The following PCTP variants were observed in gnomAD, a reference collection of about 807,000 sequenced individuals.
PCTP encodes phosphatidylcholine transfer protein.
PCTP carries 27 observed loss-of-function variants against 31.0 expected under a neutral mutation model. The observed-to-expected ratio is 0.87, with a 90% confidence interval of 0.64 to 1.20. PCTP has a LOEUF of 1.20. Ranked by LOEUF, PCTP falls within the 50% of genes most tolerant of loss-of-function variation. PCTP has a pLI of 0.00. For synonymous variants in PCTP, 108 were observed against 101.2 expected, an observed-to-expected ratio of 1.07 and a Z score of -0.40; for missense variants, 287 against 268.2, an observed-to-expected ratio of 1.07 and a Z score of -0.49.
chr17:55,791,636 C>A (rs1274737090), intron 3 of PCTP, among the ~76,000 whole-genome samples: 2 of 151,114 alleles, frequency 1.3e-5, no homozygotes, highest in African/African-American at 2.4e-5. Flanking sequence ...GAATGGCAAT[C>A]ATTAAAAAGT....
Position 55,839,919 on chromosome 17 carries a change from C to CAAAAAAAAAAAAAAAAA in PCTP, n.506-2796_506-2780dup, listed in dbSNP as rs57402824. Among the ~76,000 whole-genome samples, 8 of 12,504 alleles carry CAAAAAAAAAAAAAAAAA rather than the reference C, an allele frequency of 6.4e-4. 1 individual carries two copies. The highest frequency in any genetic ancestry group is 8.1e-4 in the Non-Finnish European group (5 of 6,192). 8.2% of individuals were successfully genotyped at this position (12,504 alleles called of 152,430 possible). On this transcript the variant is annotated intron_variant and non_coding_transcript_variant, in intron 5 of 5. Transcript: ENST00000576221. ...TGGGCGACAGAGCGAGACTCAGTCT[C>CAAAAAAAAAAAAAAAAA]AAAAAAAAAAAAAAAAAAAAAAAAA...
chr17:55,826,489 A>T (rs1347669910), downstream of PCTP, among the ~76,000 whole-genome samples: 1 of 150,818 alleles, frequency 6.6e-6, no homozygotes, highest in Non-Finnish European at 1.5e-5. Context: ...AAAGAAGGTG[A>T]TCTGATCTAA....
intron 3 of PCTP, among the ~76,000 whole-genome samples, chr17:55,806,792 T>C (rs1206174999): frequency 6.6e-6 from 1 of 152,164 alleles, no homozygotes; most frequent in Non-Finnish European, 1.5e-5. Context: ...TTATACAAGA[T>C]TGTGTCTTCC....
intron 3 of PCTP, among the ~76,000 whole-genome samples, chr17:55,816,279 T>C (rs1912914306): frequency 6.6e-6 from 1 of 152,190 alleles, no homozygotes; most frequent in Non-Finnish European, 1.5e-5. Context: ...TCTTCCCAGG[T>C]CTAGGAAACC....
intron 3 of PCTP, among the ~76,000 whole-genome samples, chr17:55,818,350 A>G (rs552602111): frequency 2.0e-5 from 3 of 152,336 alleles, no homozygotes; most frequent in African/African-American, 7.2e-5. Flanking sequence ...TGGCTATTCC[A>G]ACATGGCAAC....
At chr17:55,845,440 C>G (rs575454926), downstream of PCTP, among the ~76,000 whole-genome samples, 1 of 152,302 alleles carries the variant, frequency 6.6e-6, no homozygotes, top group African/African-American at 2.4e-5. Flanking sequence ...CCCAGGACGG[C>G]GTCCGCGGGC....
chr17:55,825,511 G>A (rs556901985), downstream of PCTP, among the ~76,000 whole-genome samples: 2 of 152,316 alleles, frequency 1.3e-5, no homozygotes, highest in East Asian at 3.9e-4. Context: ...TCGCCTTAGG[G>A]CCTATCACAG....
chr17:55,837,394 T>C (rs1905814040), intron 5 of PCTP, among the ~76,000 whole-genome samples: 1 of 152,188 alleles, frequency 6.6e-6, no homozygotes, highest in Non-Finnish European at 1.5e-5. Context: ...GAATCATCAC[T>C]GGGAAACTTC....
At chr17:55,751,289 G>C (rs1909688959) in intron 1 of PCTP, 45 bp downstream of exon 1, 1 of 1,519,420 alleles carries the variant, frequency 6.6e-7, no homozygotes, top group African/African-American at 1.4e-5. Flanking sequence ...AGAATGCGCC[G>C]GGGTCGACCT....
chr17:55,802,318 A>G (rs1159335430), intron 3 of PCTP, among the ~76,000 whole-genome samples: 1 of 152,222 alleles, frequency 6.6e-6, no homozygotes, highest in African/African-American at 2.4e-5. Context: ...TTCTTCTGAA[A>G]CTATTCCAAA....
intron 3 of PCTP, among the ~76,000 whole-genome samples, chr17:55,796,751 G>A (rs1416454478): frequency 6.6e-6 from 1 of 151,962 alleles, no homozygotes; most frequent in Non-Finnish European, 1.5e-5. Flanking sequence ...TCTGAAGCTT[G>A]TAGTTTAAGA....
At chr17:55,835,379 T>A (rs1272209663) in intron 5 of PCTP, among the ~76,000 whole-genome samples, 1 of 152,196 alleles carries the variant, frequency 6.6e-6, no homozygotes, top group Non-Finnish European at 1.5e-5. Context: ...GTCCCACTTT[T>A]CCTAGCTTGG....
At chr17:55,822,417 A>G (rs1258653156) in intron 3 of PCTP, among the ~76,000 whole-genome samples, 1 of 152,216 alleles carries the variant, frequency 6.6e-6, no homozygotes, top group Non-Finnish European at 1.5e-5. Flanking sequence ...ATGACCGAAG[A>G]GCCTACAATA....
intron 2 of PCTP, chr17:55,770,181 A>G (rs1279217871): frequency 1.3e-5 from 2 of 152,246 alleles, no homozygotes; most frequent in Non-Finnish European, 2.9e-5. Flanking sequence ...CTGTTTGCAC[A>G]TAATAGTAAG....
intron 3 of PCTP, among the ~76,000 whole-genome samples, chr17:55,810,298 T>G (rs1002405689): frequency 1.3e-5 from 2 of 152,370 alleles, no homozygotes; most frequent in Non-Finnish European, 2.9e-5. Flanking sequence ...ATTATAGGCT[T>G]GAGCCATGGT....
chr17:55,792,467 A>AAAAAT (rs1001859912), intron 3 of PCTP, among the ~76,000 whole-genome samples: 22 of 152,020 alleles, frequency 1.4e-4, no homozygotes, highest in African/African-American at 3.4e-4. Context: ...TTCTCCACAG[A>AAAAAT]AAAATAAAAT....
chr17:55,799,632 A>G (rs922018610), intron 3 of PCTP, among the ~76,000 whole-genome samples: 4 of 152,000 alleles, frequency 2.6e-5, no homozygotes, highest in Non-Finnish European at 4.4e-5. Context: ...CTAGCTAGTT[A>G]TTTTGCACAT....
intron 1 of PCTP, among the ~76,000 whole-genome samples, chr17:55,759,368 CT>C (rs1257413111): frequency 6.6e-6 from 1 of 152,156 alleles, no homozygotes; most frequent in African/African-American, 2.4e-5. Context: ...AGGATTAGAC[CT>C]ATCACATTTT....
chr17:55,763,529 CAA>C (rs1910458093), intron 1 of PCTP, among the ~76,000 whole-genome samples: 1 of 150,964 alleles, frequency 6.6e-6, no homozygotes, highest in South Asian at 2.1e-4. Flanking sequence ...TATTTGGAAA[CAA>C]ATTTTTTTGG....
Sources: gnomAD v4.1 joint callset for allele counts (sites outside exome capture counted in the v4.1 genomes callset) on GRCh38, gnomAD v4.1.1 for gene constraint, MANE v1.5 for transcripts, NCBI Gene and HGNC (gene_info 2026-07-23, HGNC 2026-07-21) for gene names.